STYXL2: variants seen among roughly 807,000 people sequenced by gnomAD.
STYXL2 encodes the protein serine/threonine/tyrosine-interacting-like protein 2.
STYXL2 carries 44 observed loss-of-function variants against 52.4 expected under a neutral mutation model. That is an observed-to-expected ratio of 0.84 (90% CI 0.66 to 1.08). The LOEUF (loss-of-function observed/expected upper bound fraction) is 1.08, where lower values mean the gene tolerates loss of function less well. STYXL2 is among the 50% of genes least tolerant of loss of function. The pLI is 0.00. For synonymous variants in STYXL2, 604 were observed against 586.9 expected (o/e 1.03, Z -0.42); for missense variants, 1,604 against 1,471.7 (o/e 1.09, Z -1.47).
Position 167,126,021 on chromosome 1 carries a change from A to G in STYXL2, c.890A>G (p.Glu297Gly). 6.2e-7 allele frequency: 1 copy of G among 1,600,462 alleles called. No individual in the cohort carries two copies. The change falls in exon 6 of 6, where the codon GAG becomes GGG. Residue 297 changes from glutamate to glycine, a missense_variant. Coordinates refer to ENST00000361200, the MANE Select transcript of STYXL2 (RefSeq NM_001080426.3). ...GREGGSAEAEEGEGTGSMLGA... is the reference protein window; with the variant it reads ...GREGGSAEAEGGEGTGSMLGA... ...GAGGGGGGATCAGCTGAGGCTGAGG[A>G]GGGCGAGGGCACTGGGAGCATGCTC... is the stretch of plus-strand genomic sequence containing the variant.
chr1:167,110,752 T>G (rs1257047731), intron 2 of STYXL2, among the ~76,000 whole-genome samples: 1 of 152,236 alleles, frequency 6.6e-6, no homozygotes, highest in Non-Finnish European at 1.5e-5. Context: ...CACCGGTACC[T>G]TTAACGGAGC....
At chr1:167,095,489 G>C (rs1667265192) in intron 2 of STYXL2, among the ~76,000 whole-genome samples, 1 of 152,150 alleles carries the variant, frequency 6.6e-6, no homozygotes, top group South Asian at 2.1e-4. Flanking sequence ...GATGCCAAGA[G>C]GCATGAGGCA....
At chr1:167,112,240 T>C (rs1667635475) in intron 2 of STYXL2, among the ~76,000 whole-genome samples, 1 of 152,180 alleles carries the variant, frequency 6.6e-6, no homozygotes, top group South Asian at 2.1e-4. Context: ...CATCATGCTG[T>C]CCCTGAGGTT....
chr1:167,126,643 G>A lies in STYXL2; in HGVS notation c.1512G>A (p.Ala504=), dbSNP rs1488666216. ...RYHAKSKREE[A]ADRSSEAGSR... Reference sequence around the variant, plus strand: ...ACGCCAAGAGCAAGAGAGAGGAGGCGGCAGACAGGAGCTCAGAAGCAGGGA... The same window carrying A: ...ACGCCAAGAGCAAGAGAGAGGAGGCAGCAGACAGGAGCTCAGAAGCAGGGA... The change falls in exon 6 of 6, where the codon GCG becomes GCA. Residue 504 remains alanine, a synonymous_variant. Coordinates refer to ENST00000361200, the MANE Select transcript of STYXL2 (RefSeq NM_001080426.3). 5 of 1,614,076 alleles carry A rather than the reference G, an allele frequency of 3.1e-6. No homozygotes were observed. Among genetic ancestry groups the A allele is most frequent in the African/African-American group, 1.3e-5 (1 of 75,024 alleles).
At chr1:167,114,022 G>C (rs80010144) in intron 3 of STYXL2, among the ~76,000 whole-genome samples, 3,434 of 152,280 alleles carry the variant, frequency 0.023, 164 homozygotes, top group African/African-American at 0.078. Flanking sequence ...GACAACCAGA[G>C]AGGCAGCACC....
In STYXL2 at chr1:167,117,404, G is replaced by T; in HGVS notation, c.282G>T (p.Glu94Asp). ...AGTCTGCTGAACAGCTGCTGGTGGAGGACCTGTACAACCGCGTCAGGGAGA... is the reference window on the plus strand; with the variant it reads ...AGTCTGCTGAACAGCTGCTGGTGGATGACCTGTACAACCGCGTCAGGGAGA... ...MLESAEQLLV[E>D]DLYNRVREKM... Residue 94 changes from glutamate to aspartate, a missense_variant, in exon 4 of 6, where the codon GAG becomes GAT. Glu to Asp is a conservative substitution (Grantham distance 45, BLOSUM62 2). Coordinates refer to ENST00000361200, the MANE Select transcript of STYXL2 (RefSeq NM_001080426.3). The T allele has an allele frequency of 6.2e-7, 1 of 1,612,826 alleles. No individual in the cohort carries two copies. The highest frequency in any genetic ancestry group is 8.5e-7 in the Non-Finnish European group (1 of 1,179,510).
chr1:167,096,880 A>G (rs948734335), intron 2 of STYXL2, among the ~76,000 whole-genome samples: 3 of 152,086 alleles, frequency 2.0e-5, no homozygotes, highest in Admixed American at 6.5e-5. Flanking sequence ...CCACTTACCA[A>G]CTGCTGCATA....
intron 3 of STYXL2, among the ~76,000 whole-genome samples, chr1:167,115,161 T>C (rs549249512): frequency 6.6e-6 from 1 of 152,390 alleles, no homozygotes; most frequent in South Asian, 2.1e-4. Flanking sequence ...CCTTGTTTTA[T>C]CCTGGCTCTT....
intron 2 of STYXL2, among the ~76,000 whole-genome samples, chr1:167,102,746 G>A (rs150064482): frequency 6.6e-6 from 1 of 152,284 alleles, no homozygotes; most frequent in East Asian, 1.9e-4. Context: ...ATCCTGAACA[G>A]TCCTCCTTGT....
intron 2 of STYXL2, among the ~76,000 whole-genome samples, chr1:167,100,077 A>G (rs1667370016): frequency 1.3e-5 from 2 of 152,376 alleles, no homozygotes; most frequent in African/African-American, 4.8e-5. Context: ...CAAGGGCCTC[A>G]TGCTGCCTCA....
chr1:167,103,748 G>C (rs1667448929), intron 2 of STYXL2, among the ~76,000 whole-genome samples: 1 of 152,150 alleles, frequency 6.6e-6, no homozygotes, highest in Non-Finnish European at 1.5e-5. Context: ...CCCTGTCAGT[G>C]GGGGAGCTTG....
Position 167,126,244 on chromosome 1 carries a change from C to A in STYXL2, c.1113C>A (p.Gly371=). 6.5e-7 allele frequency: 1 copy of A among 1,544,786 alleles called. No individual in the cohort carries two copies. The highest frequency in any genetic ancestry group is 1.3e-5 in the South Asian group (1 of 78,766). The change falls in exon 6 of 6, where the codon GGC becomes GGA. Residue 371 remains glycine, a synonymous_variant. Transcript: ENST00000361200. ...LSDKVPQDGG[G]WRSASSGQGG... The stretch of plus-strand genomic sequence containing the variant: ...ACAAGGTCCCCCAGGATGGAGGTGG[C>A]TGGCGCTCAGCCTCCTCTGGCCAGG...
chr1:167,127,429 C>T lies in STYXL2; in HGVS notation c.2298C>T (p.Asp766=), dbSNP rs1239306732. The change falls in exon 6 of 6, where the codon GAC becomes GAT. Residue 766 remains aspartate, a synonymous_variant. Transcript: ENST00000361200. Reference sequence around the variant, plus strand: ...CAGCGGCTAGCTGCCTGGGGGATGACCAAGTCTCCATGCTTAGTGGACACA... The same window carrying T: ...CAGCGGCTAGCTGCCTGGGGGATGATCAAGTCTCCATGCTTAGTGGACACA... ...AVPAASCLGD[D]QVSMLSGHSS... is the part of the protein sequence containing the mutation. 2 of 1,613,932 alleles carry T rather than the reference C, an allele frequency of 1.2e-6. No homozygotes were observed. The highest frequency in any genetic ancestry group is 1.7e-6 in the Non-Finnish European group (2 of 1,179,982).
intron 5 of STYXL2, among the ~76,000 whole-genome samples, chr1:167,124,041 C>T (rs1667910574): frequency 6.6e-6 from 1 of 152,184 alleles, no homozygotes; most frequent in Admixed American, 6.5e-5. Context: ...CCTCAGCCTC[C>T]CAAGTAGCTG....
chr1:167,095,038 A>G (rs1667254313), intron 2 of STYXL2, 79 bp downstream of exon 2: 1 of 1,028,812 alleles, frequency 9.7e-7, no homozygotes, highest in African/African-American at 1.6e-5. Flanking sequence ...AGCTCCAGGG[A>G]GCCTGCAGCC....
Position 167,119,324 on chromosome 1 carries a change from C to T in STYXL2, c.513C>T (p.Gly171=), listed in dbSNP as rs771882329. The stretch of plus-strand genomic sequence containing the variant: ...TTCTGAATGCTGCGCATGGCACCGG[C>T]GTTTACACTGGCCCCGAATTCTACA... The part of the protein sequence containing the change: ...THILNAAHGT[G]VYTGPEFYTG... The change falls in exon 5 of 6, where the codon GGC becomes GGT. Residue 171 remains glycine (G), a synonymous_variant. Transcript: ENST00000361200. The T allele has an allele frequency of 1.6e-5, 25 of 1,611,170 alleles. No individual in the cohort carries two copies. The Admixed American group carries it at 2.2e-4, about 14-fold the overall frequency.
At chr1:167,122,044 A>G (rs1051277793) in intron 5 of STYXL2, among the ~76,000 whole-genome samples, 1 of 152,152 alleles carries the variant, frequency 6.6e-6, no homozygotes, top group Non-Finnish European at 1.5e-5. Flanking sequence ...GGCGTTTTAC[A>G]TGATAATCAC....
rs1667248945 is a variant in STYXL2 at position 167,094,876 on chromosome 1, G to A, written c.27G>A (p.Glu9=). Residue 9 remains glutamate (E), a synonymous_variant, in exon 2 of 6, where the codon GAG becomes GAA. Transcript: ENST00000361200. The part of the protein sequence containing the change: MATRKDTE[E]EQVVPSEEDE... ...TGGCGACCAGAAAGGACACAGAGGA[G>A]GAGCAGGTAGTCCCAAGCGAGGAGG... 1 of 1,613,456 alleles carries A rather than the reference G, an allele frequency of 6.2e-7. No individual in the cohort carries two copies. Among genetic ancestry groups the A allele is most frequent in the Non-Finnish European group, 8.5e-7 (1 of 1,179,828 alleles).
At chr1:167,113,018 G>A (rs1184875201) in intron 2 of STYXL2, among the ~76,000 whole-genome samples, 1 of 152,142 alleles carries the variant, frequency 6.6e-6, no homozygotes, top group Non-Finnish European at 1.5e-5. Flanking sequence ...GTCTGCTGTA[G>A]ATTCTCCATG....
Sources: allele counts gnomAD v4.1 joint callset (sites outside exome capture counted in the v4.1 genomes callset), GRCh38; gene constraint gnomAD v4.1.1; transcripts MANE v1.5; gene names NCBI Gene and HGNC (gene_info 2026-07-23, HGNC 2026-07-21).